The following RIT2 variants were observed in gnomAD, a reference collection of about 807,000 sequenced individuals.
RIT2 encodes GTP-binding protein Rit2.
A neutral mutation model predicts 23.7 loss-of-function variants in RIT2; 24 were observed. The ratio of observed to expected loss-of-function variants is 1.01; its 90% CI spans 0.73 to 1.43. RIT2 has a LOEUF of 1.43. RIT2 is among the 40% of genes most tolerant of loss of function. RIT2 has a pLI of 0.00. For synonymous variants in RIT2, 107 were observed against 91.1 expected, an observed-to-expected ratio of 1.17 and a Z score of -0.99; for missense variants, 236 against 266.9, an observed-to-expected ratio of 0.88 and a Z score of 0.81.
intron 2 of RIT2, among the ~76,000 whole-genome samples, chr18:42,987,178 G>A (rs1037959993): frequency 1.3e-5 from 2 of 152,156 alleles, no homozygotes; most frequent in African/African-American, 4.8e-5. Flanking sequence ...TTATGTATGT[G>A]TGTGCGTACG....
intron 2 of RIT2, among the ~76,000 whole-genome samples, chr18:43,009,305 C>G (rs972264124): frequency 1.3e-5 from 2 of 151,510 alleles, no homozygotes; most frequent in African/African-American, 4.8e-5. Flanking sequence ...AGAAATGTGA[C>G]AGCAACATTT....
At chr18:42,854,209 C>G (rs1236775346) in intron 4 of RIT2, among the ~76,000 whole-genome samples, 1 of 152,088 alleles carries the variant, frequency 6.6e-6, no homozygotes, top group East Asian at 1.9e-4. Context: ...AGTACATGTA[C>G]CTTTATAGTT....
chr18:43,103,672 G>A (rs961765844), intron 1 of RIT2, among the ~76,000 whole-genome samples: 9 of 152,128 alleles, frequency 5.9e-5, no homozygotes, highest in Admixed American at 2.0e-4. Flanking sequence ...GGAGGAGAGA[G>A]CTTATTTTAA....
intron 4 of RIT2, among the ~76,000 whole-genome samples, chr18:42,877,670 A>T (rs766628248): frequency 5.6e-4 from 85 of 151,688 alleles, no homozygotes; most frequent in Non-Finnish European, 2.2e-4. Context: ...GGAAATCTGA[A>T]ATCTGAAATA....
intron 4 of RIT2, among the ~76,000 whole-genome samples, chr18:42,873,208 C>T (rs908207077): frequency 4.6e-5 from 7 of 152,046 alleles, no homozygotes; most frequent in Non-Finnish European, 7.4e-5. Flanking sequence ...CCATTATATC[C>T]AATTTGTTTT....
intron 1 of RIT2, among the ~76,000 whole-genome samples, chr18:43,058,303 A>C (rs566171339): frequency 6.6e-6 from 1 of 152,274 alleles, no homozygotes; most frequent in African/African-American, 2.4e-5. Flanking sequence ...TGAGAAGCCC[A>C]GGTGTGAATT....
chr18:42,862,733 A>G (rs1907361935), intron 4 of RIT2, among the ~76,000 whole-genome samples: 1 of 152,202 alleles, frequency 6.6e-6, no homozygotes, highest in Non-Finnish European at 1.5e-5. Context: ...TTCACAACTC[A>G]ACATACAAAC....
At position 43,115,430 on chromosome 18, in the gene RIT2, T is replaced by TC. The variant is rs765499217; in HGVS notation, c.89dup (p.Val31SerfsTer3). 1.2e-6 allele frequency: 2 copies of TC among 1,612,918 alleles called. No individual in the cohort carries two copies. Among genetic ancestry groups the TC allele is most frequent in the Admixed American group, 3.3e-5 (2 of 59,788 alleles). On this transcript the variant is annotated frameshift_variant, in exon 1 of 5. Coordinates refer to ENST00000326695, the MANE Select transcript of RIT2 (RefSeq NM_002930.4). LOFTEE classifies it high-confidence loss of function. ...GTGAAAACTTACCGCTTTTACCAAC[T>TC]CCCCCTGCTCCCAGCATTACCACCT...
At chr18:42,819,398 T>C (rs929576296) in intron 4 of RIT2, among the ~76,000 whole-genome samples, 1 of 152,062 alleles carries the variant, frequency 6.6e-6, no homozygotes, top group Non-Finnish European at 1.5e-5. Flanking sequence ...ATTAATAAAC[T>C]GTTCATTTCC....
chr18:42,900,916 T>A (rs948089397), intron 4 of RIT2, among the ~76,000 whole-genome samples: 20 of 152,188 alleles, frequency 1.3e-4, no homozygotes, highest in African/African-American at 4.8e-4. Flanking sequence ...TTACCAAGAC[T>A]CTTTTAGGAG....
intron 4 of RIT2, among the ~76,000 whole-genome samples, chr18:42,874,650 A>G (rs1488353562): frequency 6.6e-6 from 1 of 152,084 alleles, no homozygotes; most frequent in African/African-American, 2.4e-5. Context: ...CTCGTATGCA[A>G]TACATTTCTC....
At chr18:42,858,178 C>T (rs1907237061) in intron 4 of RIT2, among the ~76,000 whole-genome samples, 1 of 152,114 alleles carries the variant, frequency 6.6e-6, no homozygotes, top group Non-Finnish European at 1.5e-5. Flanking sequence ...GAGACTCTGT[C>T]TCAAAAAACA....
chr18:42,760,898 A>G (rs1194344923), intron 4 of RIT2, among the ~76,000 whole-genome samples: 1 of 152,192 alleles, frequency 6.6e-6, no homozygotes, highest in Non-Finnish European at 1.5e-5. Flanking sequence ...ATGAGAGGGT[A>G]AGGTTGGGGA....
At chr18:42,807,979 A>G (rs1458440470) in intron 4 of RIT2, among the ~76,000 whole-genome samples, 1 of 152,224 alleles carries the variant, frequency 6.6e-6, no homozygotes, top group Non-Finnish European at 1.5e-5. Context: ...AGTTCCTGGC[A>G]TATGTGGATG....
At chr18:43,072,413 C>T (rs1034478262) in intron 1 of RIT2, among the ~76,000 whole-genome samples, 3 of 152,112 alleles carry the variant, frequency 2.0e-5, no homozygotes, top group African/African-American at 7.2e-5. Flanking sequence ...ATCAGCCAGG[C>T]CTTTAGGGCT....
At chr18:42,838,934 A>C (rs976528180) in intron 4 of RIT2, among the ~76,000 whole-genome samples, 4 of 152,346 alleles carry the variant, frequency 2.6e-5, no homozygotes, top group African/African-American at 9.6e-5. Context: ...TGCCAGAGCT[A>C]GTGCAAGCCT....
At chr18:42,841,309 G>C (rs925531771) in intron 4 of RIT2, among the ~76,000 whole-genome samples, 1 of 152,128 alleles carries the variant, frequency 6.6e-6, no homozygotes. Context: ...CATAATAGCA[G>C]CTTTTCATCC....
At chr18:43,043,013 A>G (rs954855107) in intron 1 of RIT2, among the ~76,000 whole-genome samples, 1 of 152,188 alleles carries the variant, frequency 6.6e-6, no homozygotes, top group African/African-American at 2.4e-5. Flanking sequence ...AAAGATAATA[A>G]TGAGTATTAA....
In RIT2 at chr18:42,801,005, T is replaced by A. The variant is rs538069505; in HGVS notation, c.427-57285A>T. On this transcript the variant is annotated intron_variant, in intron 4 of 4. Transcript: ENST00000326695. ...TAGGTTTCCGTAGCACCAATTTTTTTAAAAATTTACTATTAATCTTTAATG... is the reference window on the plus strand; with the variant it reads ...TAGGTTTCCGTAGCACCAATTTTTTAAAAAATTTACTATTAATCTTTAATG... Among the ~76,000 whole-genome samples, 423 of 152,246 alleles carry A rather than the reference T, an allele frequency of 2.8e-3. 1 individual carries two copies. Among genetic ancestry groups the A allele is most frequent in the African/African-American group, 9.4e-3 (391 of 41,536 alleles).
Sources: gnomAD v4.1 joint callset for allele counts (sites outside exome capture counted in the v4.1 genomes callset) on GRCh38, gnomAD v4.1.1 for gene constraint, MANE v1.5 for transcripts, NCBI Gene and HGNC (gene_info 2026-07-23, HGNC 2026-07-21) for gene names.